NBEA: variants seen among roughly 807,000 people sequenced by gnomAD.
The protein encoded by NBEA is neurobeachin, also known as lysosomal-trafficking regulator 2.
NBEA carries 44 observed loss-of-function variants against 343.4 expected under a neutral mutation model. The ratio of observed to expected loss-of-function variants is 0.13; its 90% CI spans 0.10 to 0.16. NBEA has a LOEUF of 0.16. Among genes scored for constraint, NBEA ranks in the 10% least tolerant of loss-of-function variants. The pLI is 1.00. For synonymous variants in NBEA, 1,175 were observed against 1,238.7 expected (o/e 0.95, Z 1.08); for missense variants, 2,555 against 3,631.3 (o/e 0.70, Z 7.62).
At chr13:35,342,039 G>T (rs905957691) in intron 36 of NBEA, among the ~76,000 whole-genome samples, 2 of 152,004 alleles carry the variant, frequency 1.3e-5, no homozygotes, top group Non-Finnish European at 2.9e-5. Context: ...CCAATAAAAA[G>T]GAATAAGGTA....
At chr13:35,475,913 C>T (rs375278394) in intron 41 of NBEA, 7 of 1,614,064 alleles carry the variant, frequency 4.3e-6, no homozygotes, top group Non-Finnish European at 3.4e-6. Flanking sequence ...TAAAGCACCA[C>T]TTCAAATTCG....
At chr13:35,317,690 T>C (rs545217735) in intron 36 of NBEA, among the ~76,000 whole-genome samples, 1 of 152,328 alleles carries the variant, frequency 6.6e-6, no homozygotes, top group Admixed American at 6.5e-5. Flanking sequence ...ATAAATTACT[T>C]TGGGCAATAT....
intron 47 of NBEA, among the ~76,000 whole-genome samples, chr13:35,594,090 G>A (rs1023488982): frequency 6.6e-6 from 1 of 151,960 alleles, no homozygotes; most frequent in African/African-American, 2.4e-5. Context: ...GAAAAACATT[G>A]TATTCAAAGC....
At chr13:35,459,013 CCCCCCACACA>C (rs2046755123) in intron 40 of NBEA, among the ~76,000 whole-genome samples, 1 of 117,768 alleles carries the variant, frequency 8.5e-6, no homozygotes, top group African/African-American at 3.7e-5. Context: ...CCGCCCCCCC[CCCCCCACACA>C]CACACACACA....
At chr13:35,048,075 ATGT>A (rs1261926659) in intron 4 of NBEA, among the ~76,000 whole-genome samples, 4 of 151,736 alleles carry the variant, frequency 2.6e-5, no homozygotes. Context: ...CTTAGTTTCA[ATGT>A]TGTTAGCATT....
chr13:35,429,346 A>G (rs754597821), intron 38 of NBEA, among the ~76,000 whole-genome samples: 3 of 147,344 alleles, frequency 2.0e-5, no homozygotes, highest in Non-Finnish European at 3.0e-5. Context: ...TGGGGACACA[A>G]TTTTTCTGTG....
chr13:35,175,427 G>A (rs374778983), intron 27 of NBEA, among the ~76,000 whole-genome samples: 1 of 152,126 alleles, frequency 6.6e-6, no homozygotes, highest in East Asian at 1.9e-4. Context: ...TTTTGAAGGT[G>A]ACACCTTTGA....
intron 25 of NBEA, 89 bp from the exon 26 acceptor site, chr13:35,171,183 T>A (rs1052422665): frequency 2.1e-6 from 2 of 973,092 alleles, no homozygotes; most frequent in Admixed American, 1.9e-5. Flanking sequence ...TATACTAAAT[T>A]TATGTTCACT....
rs766728403 is a variant in NBEA at position 35,182,367 on chromosome 13, G to A, written c.4670G>A (p.Ser1557Asn). 1.3e-6 allele frequency: 2 copies of A among 1,598,750 alleles called. No individual in the cohort carries two copies. Among genetic ancestry groups the A allele is most frequent in the South Asian group, 2.3e-5 (2 of 88,092 alleles). ...TCTTTTCATTTTTCATAGGATGATA[G>A]CAAACAAGCACAGTTCTTAGCTCTG... ...RAVVFRDVDD[S>N]KQAQFLALAV... is the part of the protein sequence containing the mutation. Residue 1557 changes from serine to asparagine, a missense_variant, in exon 29 of 59, where the codon AGC becomes AAC. By Grantham distance (46) the Ser-to-Asn change is conservative. Around this residue, in one of 21 missense-constraint regions of NBEA, gnomAD observed 168 missense variants for 193.0 expected, o/e 0.87. Transcript: ENST00000379939.
Position 35,593,362 on chromosome 13 carries a change from A to G in NBEA, c.7211A>G (p.Asp2404Gly). The change falls in exon 47 of 59, where the codon GAT becomes GGT. Residue 2404 changes from aspartate to glycine, a missense_variant. Asp to Gly is a moderately conservative substitution (Grantham distance 94). Around this residue, in one of 21 missense-constraint regions of NBEA, gnomAD observed 156 missense variants for 185.8 expected, o/e 0.84. Transcript: ENST00000379939. ...ACAACCTTCTTCCTCAATGCAAATG[A>G]TGGAAAATTTGATCATCCAGATCGA... ...PFTTFFLNAN[D>G]GKFDHPDRTF... The G allele has an allele frequency of 6.2e-7, 1 of 1,612,776 alleles. No individual in the cohort carries two copies. Among genetic ancestry groups the G allele is most frequent in the Non-Finnish European group, 8.5e-7 (1 of 1,179,040 alleles).
At position 35,198,601 on chromosome 13, in the gene NBEA, G is replaced by A. The variant is rs1410777443; in HGVS notation, c.5366+2299G>A. On this transcript the variant is annotated intron_variant, in intron 31 of 58. Transcript: ENST00000379939. ...TCCTATAGCATTTGTACAAAATGCA[G>A]TAGGAGTGGAATCATTATTCTAAAT... Among the ~76,000 whole-genome samples, 3 of 152,280 alleles carry A rather than the reference G, an allele frequency of 2.0e-5. No individual in the cohort carries two copies. In the East Asian group the frequency reaches 5.8e-4, roughly 29 times the overall value.
intron 17 of NBEA, among the ~76,000 whole-genome samples, chr13:35,141,915 T>G (rs1232093347): frequency 1.3e-5 from 2 of 152,222 alleles, no homozygotes; most frequent in African/African-American, 4.8e-5. Flanking sequence ...ATTTAAAAAT[T>G]ATGTGGTCTG....
At chr13:35,003,054 A>G (rs915108970) in intron 1 of NBEA, among the ~76,000 whole-genome samples, 2 of 152,176 alleles carry the variant, frequency 1.3e-5, no homozygotes, top group Admixed American at 6.5e-5. Context: ...TGAACGAAGA[A>G]TGCACACACT....
chr13:35,051,554 AATT>A (rs1333477338), intron 6 of NBEA, among the ~76,000 whole-genome samples: 4 of 152,020 alleles, frequency 2.6e-5, no homozygotes, highest in African/African-American at 9.7e-5. Flanking sequence ...ATTTAACAGT[AATT>A]CATTAACATA....
chr13:35,277,001 A>C (rs1013019254), intron 34 of NBEA, among the ~76,000 whole-genome samples: 6 of 152,210 alleles, frequency 3.9e-5, no homozygotes, highest in Non-Finnish European at 7.3e-5. Flanking sequence ...AGAGTAATGG[A>C]AAGCATGCAT....
chr13:35,376,222 A>G (rs2041731050), intron 38 of NBEA, among the ~76,000 whole-genome samples: 2 of 152,136 alleles, frequency 1.3e-5, no homozygotes, highest in Admixed American at 1.3e-4. Context: ...GAGCCTTTGC[A>G]CATTATGAAG....
rs189002603 is a variant in NBEA at position 35,045,120 on chromosome 13, G to C, written c.627+73G>C. 91 of 1,360,392 alleles carry C rather than the reference G, an allele frequency of 6.7e-5. 1 individual carries two copies. The Middle Eastern group carries it at 1.1e-3, about 16-fold the overall frequency. The allele number at this position is 1,360,392 out of a possible 1,614,324, so 84.3% of individuals were successfully genotyped here. A position where few individuals can be genotyped will look rare whatever the true frequency, so the allele number is the denominator to read the frequency against. On this transcript the variant is annotated intron_variant, in intron 3 of 58. Transcript: ENST00000379939. ...CTTAATGTTCAAAAGTTTGTCTCTA[G>C]AGAGCTATATACTTGAATTTATAAT... is the stretch of plus-strand genomic sequence containing the variant.
At chr13:35,195,224 G>A (rs191439991) in intron 30 of NBEA, among the ~76,000 whole-genome samples, 16 of 152,104 alleles carry the variant, frequency 1.1e-4, no homozygotes, top group Admixed American at 9.2e-4. Flanking sequence ...AAGGATAAGA[G>A]GGGAACATCA....
intron 36 of NBEA, among the ~76,000 whole-genome samples, chr13:35,340,539 G>A (rs975496054): frequency 6.6e-6 from 1 of 152,042 alleles, no homozygotes; most frequent in Middle Eastern, 3.4e-3. Context: ...TTCTGTTAAT[G>A]GATATTAGTG....
Sources: gnomAD v4.1 joint callset for allele counts (sites outside exome capture counted in the v4.1 genomes callset) on GRCh38, gnomAD v4.1.1 for gene constraint, gnomAD v4.1.1 regional missense constraint, MANE v1.5 for transcripts, NCBI Gene and HGNC (gene_info 2026-07-23, HGNC 2026-07-21) for gene names.